SIK3: variants seen among roughly 807,000 people sequenced by gnomAD.
SIK3 encodes SIK family kinase 3.
Under a neutral mutation model 144.2 loss-of-function variants are expected in SIK3, and 28 were observed. The ratio of observed to expected loss-of-function variants is 0.19; its 90% CI spans 0.14 to 0.27. The LOEUF is 0.27. SIK3 is among the 10% of genes least tolerant of loss of function. SIK3 has a pLI of 1.00. For missense variants in SIK3, 1,319 were observed against 1,776.0 expected (o/e 0.74, Z 4.62); for synonymous variants, 686 against 676.3 (o/e 1.01, Z -0.22).
At chr11:116,939,242 G>A (rs1207767255) in intron 3 of SIK3, among the ~76,000 whole-genome samples, 1 of 152,146 alleles carries the variant, frequency 6.6e-6, no homozygotes, top group African/African-American at 2.4e-5. Context: ...CCGCCTCCTG[G>A]GTTCAAGCAA....
At chr11:116,956,155 A>C (rs1949129757) in intron 2 of SIK3, among the ~76,000 whole-genome samples, 2 of 152,134 alleles carry the variant, frequency 1.3e-5, no homozygotes, top group African/African-American at 2.4e-5. Context: ...AACACATTGC[A>C]ATTTGAGAAG....
intron 23 of SIK3, among the ~76,000 whole-genome samples, chr11:116,847,107 C>T (rs148136821): frequency 1.6e-3 from 237 of 152,306 alleles, no homozygotes; most frequent in African/African-American, 5.3e-3. Context: ...AGACCTGCCC[C>T]GCCCAAGGCC....
chr11:116,925,548 T>C (rs1947231299), intron 4 of SIK3, among the ~76,000 whole-genome samples: 1 of 152,268 alleles, frequency 6.6e-6, no homozygotes, highest in Non-Finnish European at 1.5e-5. Flanking sequence ...CTTGGACTTC[T>C]GACCTCCAGA....
At chr11:117,091,197 T>C (rs1017575873) in intron 1 of SIK3, among the ~76,000 whole-genome samples, 1 of 131,412 alleles carries the variant, frequency 7.6e-6, no homozygotes, top group Non-Finnish European at 1.7e-5. Context: ...AGGTTTTTTT[T>C]TTCTTTTTTT....
chr11:117,044,076 T>C (rs1347349577), intron 1 of SIK3, among the ~76,000 whole-genome samples: 1 of 152,230 alleles, frequency 6.6e-6, no homozygotes, highest in Non-Finnish European at 1.5e-5. Flanking sequence ...AGCAAAGGAA[T>C]GTAAAAGACT....
chr11:117,076,441 C>A (rs1322836391), intron 1 of SIK3, among the ~76,000 whole-genome samples: 2 of 152,158 alleles, frequency 1.3e-5, no homozygotes, highest in African/African-American at 4.8e-5. Flanking sequence ...AGGCATTCTT[C>A]CGAAACCTTT....
chr11:116,970,473 T>C (rs1055668022), intron 1 of SIK3, among the ~76,000 whole-genome samples: 3 of 152,124 alleles, frequency 2.0e-5, no homozygotes, highest in Non-Finnish European at 2.9e-5. Context: ...AATCAAGCCA[T>C]TTAGTTTTAG....
chr11:116,912,661 T>C (rs898191300), intron 4 of SIK3, among the ~76,000 whole-genome samples: 3 of 152,094 alleles, frequency 2.0e-5, no homozygotes, highest in African/African-American at 4.8e-5. Context: ...GGGGAAAAAG[T>C]GAAGTGGGAA....
intron 1 of SIK3, among the ~76,000 whole-genome samples, chr11:117,002,402 C>G (rs1422096052): frequency 6.7e-6 from 1 of 150,138 alleles, no homozygotes; most frequent in African/African-American, 2.5e-5. Flanking sequence ...AATTGGACAC[C>G]CTTAAGGGAC....
chr11:117,006,167 G>A (rs1951038314), intron 1 of SIK3, among the ~76,000 whole-genome samples: 1 of 152,142 alleles, frequency 6.6e-6, no homozygotes, highest in African/African-American at 2.4e-5. Flanking sequence ...GCACAGCAGG[G>A]TTAAGCATTC....
intron 4 of SIK3, among the ~76,000 whole-genome samples, chr11:116,915,124 A>ATGTGTGTGTGTGTG (rs35059138): frequency 0.032 from 4,147 of 129,774 alleles, 87 homozygotes; most frequent in Non-Finnish European, 0.041. Context: ...GAAGCCATAT[A>ATGTGTGTGTGTGTG]TGTGTGTGTG....
intron 16 of SIK3, among the ~76,000 whole-genome samples, chr11:116,863,152 T>C (rs718846): frequency 0.071 from 10,730 of 151,774 alleles, 1,224 homozygotes; most frequent in African/African-American, 0.24. Flanking sequence ...TCCAATGAAC[T>C]AGAGACAGGA....
chr11:117,088,143 A>G (rs1955095632), intron 1 of SIK3, among the ~76,000 whole-genome samples: 1 of 152,212 alleles, frequency 6.6e-6, no homozygotes, highest in South Asian at 2.1e-4. Flanking sequence ...AGGCTGAAGT[A>G]GAAGGATGAC....
chr11:117,031,517 T>TTTTA (rs891990426), intron 1 of SIK3, among the ~76,000 whole-genome samples: 19 of 123,196 alleles, frequency 1.5e-4, no homozygotes, highest in African/African-American at 5.0e-4. Flanking sequence ...TTTTATTTTA[T>TTTTA]TTTTATTTTA....
At chr11:116,969,664 G>A (rs772001376) in intron 1 of SIK3, among the ~76,000 whole-genome samples, 5 of 152,090 alleles carry the variant, frequency 3.3e-5, no homozygotes, top group South Asian at 4.1e-4. Context: ...ACAGAATAAG[G>A]AGCTCAGAGT....
chr11:117,042,161 C>A (rs1952771091), intron 1 of SIK3, among the ~76,000 whole-genome samples: 1 of 152,076 alleles, frequency 6.6e-6, no homozygotes, highest in African/African-American at 2.4e-5. Flanking sequence ...GCTATAGTTC[C>A]CCCATTTTTA....
chr11:116,951,403 T>C (rs1948928665), intron 3 of SIK3, among the ~76,000 whole-genome samples: 1 of 152,172 alleles, frequency 6.6e-6, no homozygotes, highest in East Asian at 1.9e-4. Context: ...GTATCAATAA[T>C]AACATTTCAA....
intron 3 of SIK3, among the ~76,000 whole-genome samples, chr11:116,949,069 T>TA (rs1217922957): frequency 6.6e-6 from 1 of 151,858 alleles, no homozygotes; most frequent in Non-Finnish European, 1.5e-5. Context: ...AAAATGAAAA[T>TA]ACGGCATACT....
intron 1 of SIK3, among the ~76,000 whole-genome samples, chr11:117,064,935 G>T (rs570152580): frequency 1.3e-5 from 2 of 152,178 alleles, no homozygotes; most frequent in Admixed American, 1.3e-4. Flanking sequence ...AGATCACGAG[G>T]TCAGGAGTTC....
Sources: gnomAD v4.1 joint callset for allele counts (sites outside exome capture counted in the v4.1 genomes callset) on GRCh38, gnomAD v4.1.1 for gene constraint, MANE v1.5 for transcripts, NCBI Gene and HGNC (gene_info 2026-07-23, HGNC 2026-07-21) for gene names.